The following ADAMTS20 variants were observed in gnomAD, a reference collection of about 807,000 sequenced individuals.
ADAMTS20 encodes A disintegrin and metalloproteinase with thrombospondin motifs 20.
A neutral mutation model predicts 260.1 loss-of-function variants in ADAMTS20; 225 were observed. That is an observed-to-expected ratio of 0.87 (90% CI 0.78 to 0.97). The LOEUF (loss-of-function observed/expected upper bound fraction) is 0.97. Ranked by LOEUF, ADAMTS20 falls within the 50% of genes least tolerant of loss-of-function variation. ADAMTS20 has a pLI of 0.00. For missense variants in ADAMTS20, 2,400 were observed against 2,337.7 expected, an observed-to-expected ratio of 1.03 and a Z score of -0.55; for synonymous variants, 802 against 769.5, an observed-to-expected ratio of 1.04 and a Z score of -0.70.
chr12:43,465,305 T>C (rs1193804619), intron 9 of ADAMTS20, among the ~76,000 whole-genome samples: 1 of 152,012 alleles, frequency 6.6e-6, no homozygotes, highest in African/African-American at 2.4e-5. Context: ...ATTCCTAAGA[T>C]GCATGGCCAT....
chr12:43,498,811 A>G (rs1942713280), intron 4 of ADAMTS20, among the ~76,000 whole-genome samples: 1 of 152,214 alleles, frequency 6.6e-6, no homozygotes, highest in South Asian at 2.1e-4. Flanking sequence ...TTCCAAGGAC[A>G]TGAGACTCAA....
At chr12:43,541,805 T>C (rs1176784821) in intron 2 of ADAMTS20, among the ~76,000 whole-genome samples, 3 of 152,228 alleles carry the variant, frequency 2.0e-5, no homozygotes, top group Non-Finnish European at 4.4e-5. Context: ...TCTTCTCTTC[T>C]CTTCTCTAGC....
At chr12:43,520,472 C>T (rs976339418) in intron 3 of ADAMTS20, among the ~76,000 whole-genome samples, 2 of 152,004 alleles carry the variant, frequency 1.3e-5, no homozygotes, top group African/African-American at 4.8e-5. Flanking sequence ...AGAAAAGAAG[C>T]AAAGTTAAAA....
Position 43,439,729 on chromosome 12 carries a change from T to C in ADAMTS20, c.2486A>G (p.Tyr829Cys), listed in dbSNP as rs929456006. 6.2e-6 allele frequency: 10 copies of C among 1,612,944 alleles called. No individual in the cohort carries two copies. The highest frequency in any genetic ancestry group is 8.5e-6 in the Non-Finnish European group (10 of 1,179,366). The change falls in exon 18 of 39, where the codon TAC (tyrosine) becomes TGC (cysteine). Residue 829 changes from tyrosine to cysteine, a missense_variant. By Grantham distance (194) the Tyr-to-Cys change is radical (BLOSUM62 -2). Transcript: ENST00000389420. ...ILQVLCVGNL[Y>C]NPDVHYSFNI... ...GAAGGAATAATGTACATCAGGGTTG[T>C]ATAAATTACCCACACACAACACCTC...
At position 43,493,057 on chromosome 12, in the gene ADAMTS20, G is replaced by A. The variant is rs974971819; in HGVS notation, c.951+113C>T. On this transcript the variant is annotated intron_variant, in intron 5 of 38. Transcript: ENST00000389420. ...GTAATCTCATTCCTTCTCAAATCAA[G>A]TCTTTTAAAATTTTAAAAATATCTC... 5 of 747,090 alleles carry A rather than the reference G, an allele frequency of 6.7e-6. No homozygotes were observed. In the African/African-American group the frequency reaches 9.0e-5, roughly 13 times the overall value. 46.3% of individuals were successfully genotyped at this position (747,090 alleles called of 1,614,324 possible).
In ADAMTS20 at chr12:43,551,989, C is replaced by T. The variant is rs1943525463; in HGVS notation, c.-68G>A. ...CGCCGGCAGCCAAGCCGGCTTCCCT[C>T]GCGCTCCGATCCCTCTCCTCCCTCT... On this transcript the variant is annotated 5_prime_UTR_variant, in exon 1 of 39. Coordinates refer to ENST00000389420, the MANE Select transcript of ADAMTS20 (RefSeq NM_025003.5). The surrounding 1 kb of genome is among the most constrained non-coding windows in gnomAD (Gnocchi z 4.6). 2 of 1,374,616 alleles carry T rather than the reference C, an allele frequency of 1.5e-6. No homozygotes were observed. The highest frequency in any genetic ancestry group is 3.4e-5 in the Admixed American group (2 of 58,518). 85.2% of individuals were successfully genotyped at this position (1,374,616 alleles called of 1,614,324 possible). A position where few individuals can be genotyped will look rare whatever the true frequency, so the allele number is the denominator to read the frequency against.
At chr12:43,421,198 A>G (rs1387909516) in intron 28 of ADAMTS20, among the ~76,000 whole-genome samples, 1 of 150,386 alleles carries the variant, frequency 6.6e-6, no homozygotes, top group Non-Finnish European at 1.5e-5. Context: ...TTTCTGCACA[A>G]TGTTTCAGAA....
chr12:43,528,434 A>G (rs1369815659), intron 3 of ADAMTS20, among the ~76,000 whole-genome samples: 1 of 151,288 alleles, frequency 6.6e-6, no homozygotes, highest in Non-Finnish European at 1.5e-5. Context: ...TATAGTAACC[A>G]AAACAGTATG....
At chr12:43,448,652 T>G (rs956967784) in intron 14 of ADAMTS20, among the ~76,000 whole-genome samples, 1 of 152,120 alleles carries the variant, frequency 6.6e-6, no homozygotes, top group South Asian at 2.1e-4. Flanking sequence ...TCTAGCTAAA[T>G]TTAAGAGCTT....
chr12:43,520,119 G>T (rs79776718), intron 3 of ADAMTS20, among the ~76,000 whole-genome samples: 25 of 152,124 alleles, frequency 1.6e-4, no homozygotes, highest in Middle Eastern at 6.8e-3. Context: ...CACAAAAAAG[G>T]CTTCTTTTGG....
chr12:43,517,323 T>C (rs542435777), intron 3 of ADAMTS20, among the ~76,000 whole-genome samples: 11 of 152,006 alleles, frequency 7.2e-5, no homozygotes, highest in African/African-American at 2.4e-4. Flanking sequence ...AATAAACCAC[T>C]AGAGGACATA....
intron 29 of ADAMTS20, among the ~76,000 whole-genome samples, chr12:43,389,856 T>C (rs1385430480): frequency 6.6e-6 from 1 of 152,208 alleles, no homozygotes; most frequent in Non-Finnish European, 1.5e-5. Flanking sequence ...GCAATGGCCC[T>C]CTTCCTTGCT....
At chr12:43,365,691 A>G (rs1939968799) in intron 37 of ADAMTS20, among the ~76,000 whole-genome samples, 2 of 151,978 alleles carry the variant, frequency 1.3e-5, no homozygotes, top group South Asian at 4.1e-4. Flanking sequence ...ATATAATACC[A>G]ATATGTTGCA....
rs76989295 is a variant in ADAMTS20 at position 43,415,997 on chromosome 12, G to C, written c.4284+9517C>G. 4.4e-3 allele frequency among the ~76,000 whole-genome samples: 674 copies of C among 152,212 alleles called. 3 individuals carry two copies. The highest frequency in any genetic ancestry group is 0.015 in the African/African-American group (643 of 41,548). On this transcript the variant is annotated intron_variant, in intron 28 of 38. Transcript: ENST00000389420. ...ACTCTCCTCAAGTCCAAACTTCCCT[G>C]ATCTCAAAATTACCCATCACAGCTT...
rs138100189 is a variant in ADAMTS20, at chr12:43,499,348, C to T, written c.867+2804G>A. Among the ~76,000 whole-genome samples, 1,150 of 152,290 alleles carry T rather than the reference C, an allele frequency of 7.6e-3. 11 individuals carry two copies. Among genetic ancestry groups the T allele is most frequent in the Admixed American group, 0.016 (249 of 15,300 alleles). ...GCATTGGTCTGTTGTTTCAAGCAAT[C>T]TCAGATGCAGATTTGCTTTCCATGA... On this transcript the variant is annotated intron_variant, in intron 4 of 38. Coordinates refer to ENST00000389420, the MANE Select transcript of ADAMTS20 (RefSeq NM_025003.5).
At chr12:43,441,731 G>A (rs149028692) in intron 16 of ADAMTS20, among the ~76,000 whole-genome samples, 23 of 152,206 alleles carry the variant, frequency 1.5e-4, no homozygotes, top group African/African-American at 5.5e-4. Context: ...ACTTTTCAAT[G>A]GAATAATAAC....
At chr12:43,372,967 G>A (rs952078377) in intron 36 of ADAMTS20, among the ~76,000 whole-genome samples, 1 of 152,308 alleles carries the variant, frequency 6.6e-6, no homozygotes, top group African/African-American at 2.4e-5. Context: ...GAAGGTATAA[G>A]TTAGACATTT....
chr12:43,375,939 T>C, intron 35 of ADAMTS20, 118 bp downstream of exon 35: 2 of 746,870 alleles, frequency 2.7e-6, no homozygotes, highest in Non-Finnish European at 4.3e-6. Context: ...CATGTCTACC[T>C]GCTCCTACAT....
chr12:43,463,129 GC>G, intron 10 of ADAMTS20, 130 bp from the exon 11 acceptor site: 1 of 493,324 alleles, frequency 2.0e-6, no homozygotes, highest in East Asian at 3.4e-5. Context: ...AAACTAATCA[GC>G]AAATTTTTTT....
Sources: gnomAD v4.1 joint callset for allele counts (sites outside exome capture counted in the v4.1 genomes callset) on GRCh38, gnomAD v4.1.1 for gene constraint, Gnocchi (gnomAD v3.1) non-coding constraint, MANE v1.5 for transcripts, NCBI Gene and HGNC (gene_info 2026-07-23, HGNC 2026-07-21) for gene names.